GOLPH3: variants seen among roughly 807,000 people sequenced by gnomAD.
GOLPH3 encodes golgi phosphoprotein 3.
A neutral mutation model predicts 28.5 loss-of-function variants in GOLPH3; 14 were observed. The observed-to-expected ratio is 0.49, with a 90% CI of 0.32 to 0.77. GOLPH3 has a LOEUF of 0.77. Ranked by LOEUF, GOLPH3 falls within the 30% of genes least tolerant of loss-of-function variation. The probability of loss-of-function intolerance (pLI) is 0.03; values close to 1 mark genes in which losing one functional copy is unlikely to be tolerated. For missense variants in GOLPH3, 350 were observed against 393.7 expected (o/e 0.89, Z 0.94); for synonymous variants, 158 against 159.2 (o/e 0.99, Z 0.06).
chr5:32,132,500 C>T (rs189069300), intron 3 of GOLPH3, among the ~76,000 whole-genome samples: 143 of 152,264 alleles, frequency 9.4e-4, no homozygotes, highest in Non-Finnish European at 6.9e-4. Context: ...AACTACTGAA[C>T]TTTCAGAGAA....
At chr5:32,137,160 T>A (rs182716237) in intron 2 of GOLPH3, among the ~76,000 whole-genome samples, 1 of 151,638 alleles carries the variant, frequency 6.6e-6, no homozygotes, top group Admixed American at 6.6e-5. Context: ...GGTTTCTCCA[T>A]GTTGGTCAGG....
intron 1 of GOLPH3, 37 bp downstream of exon 1, chr5:32,173,773 G>GCGC (rs1746907416): frequency 7.7e-7 from 1 of 1,305,884 alleles, no homozygotes; most frequent in Admixed American, 4.1e-5. Context: ...CCCGGGCCCC[G>GCGC]CGCCGCCGCC....
At chr5:32,142,091 T>C (rs922821872) in intron 2 of GOLPH3, among the ~76,000 whole-genome samples, 2 of 150,660 alleles carry the variant, frequency 1.3e-5, no homozygotes, top group Non-Finnish European at 3.0e-5. Flanking sequence ...GGAGCCCCTC[T>C]GCCTGGCTGC....
At chr5:32,129,245 T>A (rs1745770795) in intron 3 of GOLPH3, among the ~76,000 whole-genome samples, 1 of 152,118 alleles carries the variant, frequency 6.6e-6, no homozygotes, top group South Asian at 2.1e-4. Flanking sequence ...CTAGTGCAAG[T>A]CATCTTAATC....
At chr5:32,148,737 C>A (rs947999690) in intron 1 of GOLPH3, among the ~76,000 whole-genome samples, 1 of 152,204 alleles carries the variant, frequency 6.6e-6, no homozygotes, top group African/African-American at 2.4e-5. Context: ...GCGGAGCTTG[C>A]AGTGAGGCGA....
intron 1 of GOLPH3, among the ~76,000 whole-genome samples, chr5:32,146,065 G>A (rs1016087096): frequency 1.3e-5 from 2 of 152,116 alleles, no homozygotes; most frequent in Non-Finnish European, 2.9e-5. Context: ...GCAGAGGCAA[G>A]CAGATTGCTT....
chr5:32,164,702 C>G (rs565257562), intron 1 of GOLPH3, among the ~76,000 whole-genome samples: 1 of 151,680 alleles, frequency 6.6e-6, no homozygotes, highest in Non-Finnish European at 1.5e-5. Flanking sequence ...GCCAAGAGTA[C>G]GATTCTTTCA....
At chr5:32,162,319 C>T (rs1487295787) in intron 1 of GOLPH3, among the ~76,000 whole-genome samples, 5 of 150,302 alleles carry the variant, frequency 3.3e-5, no homozygotes, top group Admixed American at 2.6e-4. Context: ...GATGAAACCC[C>T]GTCTCAACTA....
intron 1 of GOLPH3, among the ~76,000 whole-genome samples, chr5:32,164,359 C>A (rs988717921): frequency 6.6e-6 from 1 of 151,848 alleles, no homozygotes; most frequent in Non-Finnish European, 1.5e-5. Flanking sequence ...TGTTTGTACA[C>A]TGTAAGTGTG....
chr5:32,152,757 G>T (rs992674637), intron 1 of GOLPH3, among the ~76,000 whole-genome samples: 7 of 151,106 alleles, frequency 4.6e-5, no homozygotes, highest in African/African-American at 1.7e-4. Flanking sequence ...ACTCCCACCT[G>T]GGCAAGAGAG....
chr5:32,170,320 G>A (rs1256882236), intron 1 of GOLPH3, among the ~76,000 whole-genome samples: 1 of 152,138 alleles, frequency 6.6e-6, no homozygotes, highest in Non-Finnish European at 1.5e-5. Flanking sequence ...CAAGTGGAGG[G>A]CTAGGGCTTC....
chr5:32,133,851 C>G (rs369241165), intron 3 of GOLPH3, among the ~76,000 whole-genome samples: 4 of 152,068 alleles, frequency 2.6e-5, no homozygotes, highest in East Asian at 3.9e-4. Context: ...GAAGACAACT[C>G]TAATAAGCAT....
chr5:32,157,530 T>C (rs1746457060), intron 1 of GOLPH3, among the ~76,000 whole-genome samples: 1 of 152,186 alleles, frequency 6.6e-6, no homozygotes. Context: ...ACATCCATTG[T>C]TTCCCACTGC....
intron 1 of GOLPH3, among the ~76,000 whole-genome samples, chr5:32,150,075 T>C (rs1025641488): frequency 6.6e-6 from 1 of 151,814 alleles, no homozygotes; most frequent in Admixed American, 6.6e-5. Flanking sequence ...AAAATTACTA[T>C]AGATAGGAGT....
chr5:32,127,128 C>T (rs192673184), intron 3 of GOLPH3, among the ~76,000 whole-genome samples: 3 of 152,164 alleles, frequency 2.0e-5, no homozygotes, highest in African/African-American at 7.2e-5. Context: ...CAATATAAAG[C>T]TAATTCTGGA....
chr5:32,136,852 T>C (rs1295420517), intron 2 of GOLPH3, among the ~76,000 whole-genome samples: 1 of 152,216 alleles, frequency 6.6e-6, no homozygotes, highest in African/African-American at 2.4e-5. Flanking sequence ...GGATACTCAA[T>C]CTTATATTAT....
Position 32,126,450 on chromosome 5 carries a change from G to C in GOLPH3, c.659C>G (p.Ala220Gly), listed in dbSNP as rs764592858. 6.2e-7 allele frequency: 1 copy of C among 1,614,160 alleles called. No individual in the cohort carries two copies. The highest frequency in any genetic ancestry group is 8.5e-7 in the Non-Finnish European group (1 of 1,180,028). Residue 220 changes from alanine (A) to glycine (G), a missense_variant, in exon 4 of 4, where the codon GCC (alanine) becomes GGC (glycine). Ala to Gly is a moderately conservative substitution (Grantham distance 60). Coordinates refer to ENST00000265070, the MANE Select transcript of GOLPH3 (RefSeq NM_022130.4). ...GTCATTCACCCATTTGTCAAGAACG[G>C]CTTCCTGTACTTTCTTGATGAGGCG... ...KQRLIKKVQE[A>G]VLDKWVNDPH...
At chr5:32,147,383 G>A (rs1003991809) in intron 1 of GOLPH3, among the ~76,000 whole-genome samples, 2 of 151,830 alleles carry the variant, frequency 1.3e-5, no homozygotes, top group African/African-American at 2.4e-5. Context: ...GCAGTGAGCC[G>A]AGATTGCACC....
intron 1 of GOLPH3, among the ~76,000 whole-genome samples, chr5:32,159,196 C>A (rs2111883725): frequency 6.6e-6 from 1 of 152,310 alleles, no homozygotes; most frequent in South Asian, 2.1e-4. Context: ...TATCCCTGTA[C>A]TTGGGACCCG....
Sources: gnomAD v4.1 joint callset for allele counts (sites outside exome capture counted in the v4.1 genomes callset) on GRCh38, gnomAD v4.1.1 for gene constraint, MANE v1.5 for transcripts, NCBI Gene and HGNC (gene_info 2026-07-23, HGNC 2026-07-21) for gene names.